Variants in DIP2C observed in about 807,000 individuals in gnomAD.
The protein encoded by DIP2C is disco-interacting protein 2 homolog C.
In DIP2C, 33 loss-of-function variants were observed where a neutral mutation model predicts 192.4. The ratio of observed to expected loss-of-function variants is 0.17; its 90% CI spans 0.13 to 0.23. The LOEUF (loss-of-function observed/expected upper bound fraction) is 0.23, where lower values mean the gene tolerates loss of function less well. Ranked by LOEUF, DIP2C falls within the 10% of genes least tolerant of loss-of-function variation. The probability of loss-of-function intolerance (pLI) is 1.00; values close to 1 mark genes in which losing one functional copy is unlikely to be tolerated. For missense variants in DIP2C, 1,537 were observed against 2,110.1 expected, an observed-to-expected ratio of 0.73 and a Z score of 5.32; for synonymous variants, 979 against 864.1, an observed-to-expected ratio of 1.13 and a Z score of -2.33.
intron 34 of DIP2C, among the ~76,000 whole-genome samples, chr10:283,967 A>G (rs547002212): frequency 1.5e-4 from 23 of 152,368 alleles, no homozygotes; most frequent in Middle Eastern, 3.4e-3. Flanking sequence ...GATGTCTGAC[A>G]TTTGGGGAAA....
chr10:612,335 A>T (rs1853151300), intron 1 of DIP2C, among the ~76,000 whole-genome samples: 1 of 152,154 alleles, frequency 6.6e-6, no homozygotes, highest in Non-Finnish European at 1.5e-5. Context: ...TTCTTCACCG[A>T]TGTCAAATAT....
chr10:295,422 G>A (rs1316437726), intron 32 of DIP2C, among the ~76,000 whole-genome samples: 1 of 151,702 alleles, frequency 6.6e-6, no homozygotes, highest in Non-Finnish European at 1.5e-5. Context: ...TTAGCCGGGT[G>A]CGGTGGCGGG....
intron 3 of DIP2C, among the ~76,000 whole-genome samples, chr10:470,215 T>G (rs781366550): frequency 1.4e-4 from 21 of 152,198 alleles, no homozygotes; most frequent in Non-Finnish European, 2.8e-4. Flanking sequence ...ATCATGTGGT[T>G]ATAATGGCGA....
At chr10:462,427 A>G in intron 3 of DIP2C, among the ~76,000 whole-genome samples, 1 of 152,264 alleles carries the variant, frequency 6.6e-6, no homozygotes, top group East Asian at 1.9e-4. Flanking sequence ...AATCTAGAAG[A>G]AATGGATAAA....
chr10:423,689 T>C (rs1052843597), intron 4 of DIP2C, among the ~76,000 whole-genome samples: 1 of 151,618 alleles, frequency 6.6e-6, no homozygotes, highest in Non-Finnish European at 1.5e-5. Flanking sequence ...GTTGGTGTGT[T>C]AGATAACCAT....
intron 31 of DIP2C, among the ~76,000 whole-genome samples, chr10:320,337 G>A (rs1273689617): frequency 6.6e-6 from 1 of 151,962 alleles, no homozygotes; most frequent in Non-Finnish European, 1.5e-5. Context: ...GCAAAATCCT[G>A]TCCCTGCTAA....
At chr10:296,376 A>G (rs992878935) in intron 32 of DIP2C, among the ~76,000 whole-genome samples, 1 of 152,166 alleles carries the variant, frequency 6.6e-6, no homozygotes, top group Admixed American at 6.5e-5. Context: ...ATCATTAAAA[A>G]GTCAGGAAAC....
chr10:538,093 AATGT>A, intron 1 of DIP2C, among the ~76,000 whole-genome samples: 1 of 151,982 alleles, frequency 6.6e-6, no homozygotes, highest in African/African-American at 2.4e-5. Flanking sequence ...CCTGGCTGTG[AATGT>A]ATTTTAAATT....
chr10:371,832 CAA>C (rs1426794999), intron 17 of DIP2C, among the ~76,000 whole-genome samples: 1 of 152,234 alleles, frequency 6.6e-6, no homozygotes, highest in Non-Finnish European at 1.5e-5. Context: ...AGAAGTGAGA[CAA>C]GTTTCTGTTG....
chr10:309,840 C>T (rs1260507458), intron 32 of DIP2C, among the ~76,000 whole-genome samples, 191 bp downstream of exon 32: 1 of 152,114 alleles, frequency 6.6e-6, no homozygotes, highest in Non-Finnish European at 1.5e-5. Flanking sequence ...CGTGAGCCAC[C>T]ATGCCTGGCC....
intron 1 of DIP2C, among the ~76,000 whole-genome samples, chr10:551,266 C>T (rs1848571992): frequency 6.6e-6 from 1 of 152,212 alleles, no homozygotes; most frequent in Non-Finnish European, 1.5e-5. Flanking sequence ...CTCCTCCCCA[C>T]AGCCCTGGCT....
chr10:427,526 G>A (rs774861147), intron 4 of DIP2C, among the ~76,000 whole-genome samples: 18 of 152,096 alleles, frequency 1.2e-4, no homozygotes, highest in Non-Finnish European at 1.9e-4. Context: ...CGTTCAGATC[G>A]TATAAGGCAC....
intron 1 of DIP2C, among the ~76,000 whole-genome samples, chr10:490,753 T>G (rs1429171420): frequency 6.6e-6 from 1 of 152,186 alleles, no homozygotes; most frequent in Non-Finnish European, 1.5e-5. Flanking sequence ...CATTTTCTAC[T>G]TCATTAAAAA....
chr10:647,867 G>C (rs899615846), intron 1 of DIP2C, among the ~76,000 whole-genome samples: 2 of 149,506 alleles, frequency 1.3e-5, no homozygotes. Flanking sequence ...AGAGAACAGA[G>C]GGAAACTGAG....
chr10:587,509 T>C (rs1476514974), intron 1 of DIP2C, among the ~76,000 whole-genome samples: 2 of 152,142 alleles, frequency 1.3e-5, no homozygotes, highest in African/African-American at 4.8e-5. Context: ...AAACCTACAG[T>C]CCTATAAAGG....
chr10:499,941 G>A (rs1231232660), intron 1 of DIP2C, among the ~76,000 whole-genome samples: 1 of 152,204 alleles, frequency 6.6e-6, no homozygotes, highest in Non-Finnish European at 1.5e-5. Flanking sequence ...CTTATCTCCA[G>A]TAACCTGACC....
At chr10:463,499 CACAA>C (rs760715771) in intron 3 of DIP2C, among the ~76,000 whole-genome samples, 2 of 152,126 alleles carry the variant, frequency 1.3e-5, no homozygotes, top group Non-Finnish European at 2.9e-5. Context: ...GAAGAGAAGA[CACAA>C]ACAAATGGAA....
chr10:595,291 A>G (rs1231272731), intron 1 of DIP2C, among the ~76,000 whole-genome samples: 1 of 152,140 alleles, frequency 6.6e-6, no homozygotes, highest in Admixed American at 6.5e-5. Flanking sequence ...ATTAGTTCCT[A>G]TTTTCCCCAT....
chr10:295,288 G>A (rs1955695321), intron 32 of DIP2C, among the ~76,000 whole-genome samples: 1 of 152,086 alleles, frequency 6.6e-6, no homozygotes, highest in Admixed American at 6.5e-5. Flanking sequence ...TTGGCCGGGC[G>A]CGGTGGCTTA....
Sources: gnomAD v4.1 joint callset for allele counts (sites outside exome capture counted in the v4.1 genomes callset) on GRCh38, gnomAD v4.1.1 for gene constraint, MANE v1.5 for transcripts, NCBI Gene and HGNC (gene_info 2026-07-23, HGNC 2026-07-21) for gene names.